Variants in EXOC2 observed in about 807,000 individuals in gnomAD.
The protein encoded by EXOC2 is SEC5-like 1.
Under a neutral mutation model 131.8 loss-of-function variants are expected in EXOC2, and 70 were observed. The observed-to-expected ratio is 0.53, with a 90% CI of 0.44 to 0.65. The LOEUF is 0.65. EXOC2 is among the 30% of genes least tolerant of loss of function. The probability of loss-of-function intolerance (pLI) is 0.00; values close to 1 mark genes in which losing one functional copy is unlikely to be tolerated. For missense variants in EXOC2, 923 were observed against 1,108.6 expected (o/e 0.83, Z 2.38); for synonymous variants, 411 against 398.4 (o/e 1.03, Z -0.38).
intron 7 of EXOC2, among the ~76,000 whole-genome samples, chr6:603,613 C>CT (rs112842795): frequency 7.3e-4 from 108 of 147,902 alleles, no homozygotes; most frequent in Non-Finnish European, 8.7e-4. Context: ...CTATCTTCTT[C>CT]TTTTTTTTTT....
intron 1 of EXOC2, among the ~76,000 whole-genome samples, chr6:673,369 C>T (rs1763966086): frequency 6.6e-6 from 1 of 150,764 alleles, no homozygotes; most frequent in Non-Finnish European, 1.5e-5. Context: ...TAAATTAGTA[C>T]CACTTAAGCC....
intron 7 of EXOC2, among the ~76,000 whole-genome samples, chr6:599,933 T>A (rs1380738061): frequency 2.0e-5 from 3 of 152,176 alleles, no homozygotes; most frequent in Non-Finnish European, 4.4e-5. Context: ...AAAGCAAAAT[T>A]TGCTGTGTAC....
intron 10 of EXOC2, among the ~76,000 whole-genome samples, chr6:594,791 A>T (rs1227362444): frequency 6.6e-6 from 1 of 152,230 alleles, no homozygotes; most frequent in Non-Finnish European, 1.5e-5. Context: ...AAAGCATGAC[A>T]ACTTGTGCTG....
At chr6:581,186 C>T (rs564095062) in intron 11 of EXOC2, among the ~76,000 whole-genome samples, 80 of 151,988 alleles carry the variant, frequency 5.3e-4, no homozygotes, top group Admixed American at 1.9e-3. Flanking sequence ...GTCCCAGCTA[C>T]TCGAGAGGCT....
At chr6:666,169 T>C (rs1047104654) in intron 1 of EXOC2, among the ~76,000 whole-genome samples, 6 of 152,206 alleles carry the variant, frequency 3.9e-5, no homozygotes, top group Non-Finnish European at 5.9e-5. Context: ...TGATGGCAAG[T>C]CAGCATCCTT....
At chr6:532,106 T>C (rs541211506) in intron 23 of EXOC2, among the ~76,000 whole-genome samples, 2 of 152,232 alleles carry the variant, frequency 1.3e-5, no homozygotes, top group Non-Finnish European at 2.9e-5. Context: ...CAGATTTCTT[T>C]AATACATTTT....
intron 26 of EXOC2, 152 bp downstream of exon 26, chr6:490,973 T>C (rs1232936916): frequency 5.3e-6 from 4 of 757,528 alleles, no homozygotes; most frequent in Admixed American, 2.3e-5. Flanking sequence ...TTCATTTACA[T>C]TGTGTTACAA....
chr6:562,495 A>T (rs1757753136), intron 17 of EXOC2, among the ~76,000 whole-genome samples: 1 of 152,258 alleles, frequency 6.6e-6, no homozygotes, highest in Admixed American at 6.5e-5. Context: ...CAAGTTGCTG[A>T]GTAATTTAGA....
intron 23 of EXOC2, among the ~76,000 whole-genome samples, chr6:529,200 C>T (rs1284778356): frequency 2.0e-5 from 3 of 152,238 alleles, no homozygotes; most frequent in Non-Finnish European, 2.9e-5. Flanking sequence ...AGCCCCTGCA[C>T]TTGAAGTCCT....
At chr6:615,524 C>T (rs2127672601) in intron 6 of EXOC2, among the ~76,000 whole-genome samples, 1 of 152,126 alleles carries the variant, frequency 6.6e-6, no homozygotes, top group South Asian at 2.1e-4. Flanking sequence ...CTTGTTTCTT[C>T]AACAAATCAA....
At chr6:500,511 T>G (rs1239482549) in intron 23 of EXOC2, among the ~76,000 whole-genome samples, 1 of 152,132 alleles carries the variant, frequency 6.6e-6, no homozygotes, top group African/African-American at 2.4e-5. Flanking sequence ...CACAGGAGAA[T>G]AATAATTGTC....
intron 9 of EXOC2, among the ~76,000 whole-genome samples, chr6:598,623 G>A (rs75576214): frequency 0.089 from 13,555 of 152,166 alleles, 1,016 homozygotes; most frequent in African/African-American, 0.21. Flanking sequence ...CAGCGTGATG[G>A]TTAACAAACG....
intron 7 of EXOC2, among the ~76,000 whole-genome samples, chr6:602,848 G>A (rs1760177934): frequency 6.6e-6 from 1 of 152,158 alleles, no homozygotes; most frequent in South Asian, 2.1e-4. Flanking sequence ...TGCAAGATGG[G>A]AAGGAAAGTC....
intron 1 of EXOC2, among the ~76,000 whole-genome samples, chr6:690,808 A>G (rs1292691442): frequency 1.3e-5 from 2 of 152,244 alleles, no homozygotes; most frequent in Non-Finnish European, 2.9e-5. Flanking sequence ...AAAGCATATG[A>G]TTAGAAGTCC....
rs976005343 is a variant in EXOC2, at chr6:497,611, A to G, written c.2437-122T>C. On this transcript the variant is annotated intron_variant, in intron 24 of 27. Coordinates refer to ENST00000230449, the MANE Select transcript of EXOC2 (RefSeq NM_018303.6). ...AACAGGACTTCTAAGTCATTTTTAAAAGGCCAAAATTATAAATGAAAGGAA... is the reference window on the plus strand; with the variant it reads ...AACAGGACTTCTAAGTCATTTTTAAGAGGCCAAAATTATAAATGAAAGGAA... 2.3e-6 allele frequency: 3 copies of G among 1,291,944 alleles called. No homozygotes were observed. The African/African-American group carries it at 4.4e-5, about 19-fold the overall frequency. The allele number at this position is 1,291,944 out of a possible 1,614,324, so 80.0% of individuals were successfully genotyped here.
At chr6:605,789 A>C (rs953987808) in intron 7 of EXOC2, among the ~76,000 whole-genome samples, 1 of 151,914 alleles carries the variant, frequency 6.6e-6, no homozygotes, top group Non-Finnish European at 1.5e-5. Context: ...TTTAATTGTG[A>C]TGTTAGGGTG....
At chr6:613,585 A>T (rs1760825427) in intron 6 of EXOC2, among the ~76,000 whole-genome samples, 1 of 152,234 alleles carries the variant, frequency 6.6e-6, no homozygotes, top group Admixed American at 6.5e-5. Context: ...CATCTTCAGG[A>T]CTACAGTTCT....
intron 27 of EXOC2, among the ~76,000 whole-genome samples, 171 bp from the exon 28 acceptor site, chr6:486,935 A>T (rs1763101573): frequency 6.6e-6 from 1 of 152,258 alleles, no homozygotes. Context: ...ACATCAAAGA[A>T]GTTGATCAAA....
chr6:690,226 C>T (rs887237725), intron 1 of EXOC2, among the ~76,000 whole-genome samples: 10 of 152,090 alleles, frequency 6.6e-5, no homozygotes, highest in Admixed American at 5.9e-4. Flanking sequence ...CCCGGTGGCA[C>T]GCACCTATAG....
Sources: gnomAD v4.1 joint callset for allele counts (sites outside exome capture counted in the v4.1 genomes callset) on GRCh38, gnomAD v4.1.1 for gene constraint, MANE v1.5 for transcripts, NCBI Gene and HGNC (gene_info 2026-07-23, HGNC 2026-07-21) for gene names.